SYCE1L: variants seen among roughly 807,000 people sequenced by gnomAD.
SYCE1L encodes the protein synaptonemal complex central element protein 1-like.
Under a neutral mutation model 39.6 loss-of-function variants are expected in SYCE1L, and 51 were observed. The observed-to-expected ratio is 1.29, with a 90% confidence interval of 1.03 to 1.63. SYCE1L has a LOEUF of 1.63. Among genes scored for constraint, SYCE1L ranks in the 40% most tolerant of loss-of-function variants. The pLI is 0.00. For synonymous variants in SYCE1L, 147 were observed against 122.4 expected, an observed-to-expected ratio of 1.20 and a Z score of -1.33; for missense variants, 426 against 304.9, an observed-to-expected ratio of 1.40 and a Z score of -2.96.
chr16:77,211,792 A>AGGAAGTGAG (rs1567427936), intron 7 of SYCE1L, among the ~76,000 whole-genome samples: 1 of 152,042 alleles, frequency 6.6e-6, no homozygotes, highest in Non-Finnish European at 1.5e-5. Context: ...GCAGAGGTGA[A>AGGAAGTGAG]GGAAGTGAGG....
At chr16:77,207,342 A>G (rs2054792545) in intron 2 of SYCE1L, among the ~76,000 whole-genome samples, 1 of 152,200 alleles carries the variant, frequency 6.6e-6, no homozygotes. Context: ...TTTTTGCCCC[A>G]GTTCCGTGTT....
chr16:77,207,396 G>A (rs9931082), intron 2 of SYCE1L, among the ~76,000 whole-genome samples: 4,974 of 134,932 alleles, frequency 0.037, 97 homozygotes, highest in Middle Eastern at 0.055. Flanking sequence ...AGTCTTCTGC[G>A]TACAGAGCAC....
Position 77,213,014 on chromosome 16 carries a change from C to T in SYCE1L, c.*83C>T. The T allele has an allele frequency of 7.4e-7, 1 of 1,355,998 alleles. No homozygotes were observed. The highest frequency in any genetic ancestry group is 9.8e-7 in the Non-Finnish European group (1 of 1,024,944). 84.0% of individuals were successfully genotyped at this position (1,355,998 alleles called of 1,614,324 possible). A position where few individuals can be genotyped will look rare whatever the true frequency, so the allele number is the denominator to read the frequency against. On this transcript the variant is annotated 3_prime_UTR_variant, in exon 11 of 11. Transcript: ENST00000378644. ...GATGATTTCCGACCATGCTCGCGTT[C>T]TCCGCGGAGTCTGTGCTACACCGTG...
chr16:77,210,132 C>G (rs1262523083), intron 6 of SYCE1L, among the ~76,000 whole-genome samples: 4 of 152,190 alleles, frequency 2.6e-5, no homozygotes, highest in African/African-American at 7.2e-5. Context: ...AACTGTCTAT[C>G]CAACCTGTAT....
Position 77,211,996 on chromosome 16 carries a change from T to C in SYCE1L, c.424-134T>C, listed in dbSNP as rs112714727. The C allele has an allele frequency of 2.9e-5, 29 of 1,004,010 alleles. No individual in the cohort carries two copies. In the African/African-American group the frequency reaches 3.2e-4, roughly 11 times the overall value. 62.2% of individuals were successfully genotyped at this position (1,004,010 alleles called of 1,614,324 possible). ...CTCCAGCCACAGCAGGAACTGCACA[T>C]TGAGTTAATAAATAGTTGAATGAAT... On this transcript the variant is annotated intron_variant, in intron 7 of 10. Coordinates refer to ENST00000378644, the MANE Select transcript of SYCE1L (RefSeq NM_001129979.3).
At chr16:77,206,381 C>A in intron 1 of SYCE1L, 60 bp from the exon 2 acceptor site, 3 of 1,480,330 alleles carry the variant, frequency 2.0e-6, no homozygotes, top group Non-Finnish European at 2.8e-6. Flanking sequence ...CTTCCTGCCT[C>A]CCTTCTCTCT....
At position 77,199,526 on chromosome 16, in the gene SYCE1L, GTGGGCTGC is replaced by G; in HGVS notation, c.61+15_61+22del. The G allele has an allele frequency of 6.5e-7, 1 of 1,547,612 alleles. No homozygotes were observed. The highest frequency in any genetic ancestry group is 1.2e-5 in the South Asian group (1 of 83,956). ...AGGAGGCTGAAGGTAGTGAGGGCAAGTGGGCTGCACTCCTTTCTCTCCAACCAGGGCAG... is the reference window on the plus strand; with the variant it reads ...AGGAGGCTGAAGGTAGTGAGGGCAAGACTCCTTTCTCTCCAACCAGGGCAG... On this transcript the variant is annotated intron_variant, in intron 1 of 10. Transcript: ENST00000378644.
chr16:77,204,778 C>G (rs977527402), intron 1 of SYCE1L, among the ~76,000 whole-genome samples: 1 of 152,102 alleles, frequency 6.6e-6, no homozygotes, highest in African/African-American at 2.4e-5. Flanking sequence ...GCTGCGGTGG[C>G]TCACACCTGT....
Position 77,212,320 on chromosome 16 carries a change from C to A in SYCE1L, c.532C>A (p.Arg178=). The A allele has an allele frequency of 6.6e-7, 1 of 1,524,510 alleles. No homozygotes were observed. Among genetic ancestry groups the A allele is most frequent in the Non-Finnish European group, 8.8e-7 (1 of 1,137,736 alleles). The allele number at this position is 1,524,510 out of a possible 1,614,324, so 94.4% of individuals were successfully genotyped here. The part of the protein sequence containing the change: ...VRAKLREVER[R]LHSPPEVEGA... ...CGCCAAGCTGCGGGAGGTGGAGCGG[C>A]GGCTGCACTCGCCGCCTGAGGTCGA... Residue 178 remains arginine, a synonymous_variant, in exon 9 of 11, where the codon CGG becomes AGG. Transcript: ENST00000378644.
At position 77,205,044 on chromosome 16, in the gene SYCE1L, C is replaced by CAAA. The variant is rs1451754899; in HGVS notation, c.62-1383_62-1381dup. On this transcript the variant is annotated intron_variant, in intron 1 of 10. Coordinates refer to ENST00000378644, the MANE Select transcript of SYCE1L (RefSeq NM_001129979.3). ...TGGGTGACAAAGCGAGACTCCATCTCAAAAAAAAAAAAAAAAGAAAAGAAA... is the reference window on the plus strand; with the variant it reads ...TGGGTGACAAAGCGAGACTCCATCTCAAAAAAAAAAAAAAAAAAAGAAAAGAAA... Among the ~76,000 whole-genome samples, 236 of 123,122 alleles carry CAAA rather than the reference C, an allele frequency of 1.9e-3. 2 individuals carry two copies. Among genetic ancestry groups the CAAA allele is most frequent in the Non-Finnish European group, 2.9e-3 (171 of 59,934 alleles). 80.8% of individuals were successfully genotyped at this position (123,122 alleles called of 152,430 possible).
At chr16:77,211,331 G>T (rs369667030) in intron 7 of SYCE1L, 55 bp downstream of exon 7, 2 of 1,542,872 alleles carry the variant, frequency 1.3e-6, no homozygotes, top group African/African-American at 1.4e-5. Context: ...CTTTAGTGTC[G>T]CACTGACTGG....
chr16:77,208,750 C>G (rs904296682), intron 4 of SYCE1L, among the ~76,000 whole-genome samples: 1 of 152,196 alleles, frequency 6.6e-6, no homozygotes, highest in Non-Finnish European at 1.5e-5. Context: ...TAGAATCCCG[C>G]CCTCTCTTGG....
At chr16:77,210,749 C>A (rs894863560) in intron 6 of SYCE1L, among the ~76,000 whole-genome samples, 1 of 152,100 alleles carries the variant, frequency 6.6e-6, no homozygotes, top group African/African-American at 2.4e-5. Flanking sequence ...GGGTAATGTT[C>A]TCAACAGAGG....
At chr16:77,212,061 A>G (rs1038292181) in intron 7 of SYCE1L, 69 bp from the exon 8 acceptor site, 16 of 1,485,922 alleles carry the variant, frequency 1.1e-5, no homozygotes, top group Non-Finnish European at 1.4e-5. Context: ...GAGAAGCACA[A>G]AAGGGGAGGG....
At chr16:77,209,227 C>G (rs912316279) in intron 5 of SYCE1L, 83 bp downstream of exon 5, 1 of 1,471,690 alleles carries the variant, frequency 6.8e-7, no homozygotes. Context: ...CAGAGGAATC[C>G]CACTGAAACC....
chr16:77,200,746 C>CAAAAAAAA (rs11344903), intron 1 of SYCE1L: 10 of 84,816 alleles, frequency 1.2e-4, no homozygotes, highest in Non-Finnish European at 1.4e-4. Context: ...ACAGAGTGAG[C>CAAAAAAAA]AAAAAAAAAA....
chr16:77,203,658 C>T lies in SYCE1L; in HGVS notation c.62-2783C>T, dbSNP rs1445816432. Among the ~76,000 whole-genome samples, 3 of 141,874 alleles carry T rather than the reference C, an allele frequency of 2.1e-5. No individual in the cohort carries two copies. The East Asian group carries it at 6.5e-4, about 31-fold the overall frequency. The allele number at this position is 141,874 out of a possible 152,430, so 93.1% of individuals were successfully genotyped here. A position where few individuals can be genotyped will look rare whatever the true frequency, so the allele number is the denominator to read the frequency against. On this transcript the variant is annotated intron_variant, in intron 1 of 10. Coordinates refer to ENST00000378644, the MANE Select transcript of SYCE1L (RefSeq NM_001129979.3). ...TGCCCAGGCTGGAGTGCAATGGTGC[C>T]ATCTCGGCTCACCGCAACCTCCATC...
intron 7 of SYCE1L, 81 bp from the exon 8 acceptor site, chr16:77,212,049 G>A (rs2054826125): frequency 3.0e-5 from 43 of 1,437,932 alleles, no homozygotes; most frequent in Non-Finnish European, 3.9e-5. Flanking sequence ...TGAAGACTTC[G>A]CGAGAAGCAC....
chr16:77,201,511 G>A (rs2054742322), intron 1 of SYCE1L: 1 of 152,226 alleles, frequency 6.6e-6, no homozygotes, highest in Non-Finnish European at 1.5e-5. Context: ...CCTCAGGGAA[G>A]AGAGCTGACT....
Sources: allele counts gnomAD v4.1 joint callset (sites outside exome capture counted in the v4.1 genomes callset), GRCh38; gene constraint gnomAD v4.1.1; transcripts MANE v1.5; gene names NCBI Gene and HGNC (gene_info 2026-07-23, HGNC 2026-07-21).